Variants in FKBP5 observed in about 807,000 individuals in gnomAD.
FKBP5 encodes peptidyl-prolyl cis-trans isomerase FKBP5.
A neutral mutation model predicts 50.5 loss-of-function variants in FKBP5; 23 were observed. The ratio of observed to expected loss-of-function variants is 0.46; its 90% confidence interval spans 0.33 to 0.65. The LOEUF is 0.65. Among genes scored for constraint, FKBP5 ranks in the 30% least tolerant of loss-of-function variants. The probability of loss-of-function intolerance (pLI) is 0.02; values close to 1 mark genes in which losing one functional copy is unlikely to be tolerated. For synonymous variants in FKBP5, 176 were observed against 190.6 expected, an observed-to-expected ratio of 0.92 and a Z score of 0.63; for missense variants, 411 against 553.1, an observed-to-expected ratio of 0.74 and a Z score of 2.58.
At chr6:35,694,231 G>A (rs1766046930) in intron 2 of FKBP5, among the ~76,000 whole-genome samples, 1 of 152,122 alleles carries the variant, frequency 6.6e-6, no homozygotes, top group Non-Finnish European at 1.5e-5. Flanking sequence ...CTGCAGCCTT[G>A]ACCACCTAGG....
chr6:35,646,288 C>T (rs1429688269), intron 1 of FKBP5, among the ~76,000 whole-genome samples: 1 of 152,190 alleles, frequency 6.6e-6, no homozygotes, highest in Admixed American at 6.5e-5. Flanking sequence ...GGCTCCAACA[C>T]TTCAAGGGAT....
chr6:35,583,303 AAAG>A (rs1762499879), intron 8 of FKBP5: 3 of 985,416 alleles, frequency 3.0e-6, no homozygotes, highest in South Asian at 9.4e-5. Flanking sequence ...TAGGGAAAGA[AAAG>A]AAGAGCCAGG....
intron 1 of FKBP5, among the ~76,000 whole-genome samples, chr6:35,720,835 C>T (rs1366635899): frequency 2.0e-5 from 3 of 152,178 alleles, no homozygotes; most frequent in South Asian, 2.1e-4. Context: ...TACCCCATTC[C>T]GGGCACTGTG....
chr6:35,721,605 G>A (rs1766612356), intron 1 of FKBP5, among the ~76,000 whole-genome samples: 1 of 151,984 alleles, frequency 6.6e-6, no homozygotes, highest in South Asian at 2.1e-4. Flanking sequence ...ACAGCCATGC[G>A]CTACCACGCC....
intron 8 of FKBP5, chr6:35,581,676 CT>C (rs768314655): frequency 9.8e-5 from 97 of 985,286 alleles, no homozygotes; most frequent in Non-Finnish European, 1.1e-4. Flanking sequence ...AATGAAAGCA[CT>C]GGGGAATCGC....
At chr6:35,633,450 C>T (rs1764221249) in intron 3 of FKBP5, among the ~76,000 whole-genome samples, 2 of 146,054 alleles carry the variant, frequency 1.4e-5, no homozygotes, top group Non-Finnish European at 3.0e-5. Context: ...GGCTGAGGCA[C>T]GAGAATCACT....
At chr6:35,583,711 C>T in intron 8 of FKBP5, 1 of 941,566 alleles carries the variant, frequency 1.1e-6, no homozygotes, top group Non-Finnish European at 1.3e-6. Context: ...GACAGCCCCA[C>T]ACAATCAAGA....
intron 1 of FKBP5, among the ~76,000 whole-genome samples, chr6:35,723,981 T>G (rs146220583): frequency 1.6e-4 from 24 of 152,256 alleles, no homozygotes; most frequent in African/African-American, 4.6e-4. Flanking sequence ...CTGCTCTTGC[T>G]TCAGTTTTCC....
chr6:35,708,875 A>G (rs897105410), intron 2 of FKBP5, among the ~76,000 whole-genome samples: 4 of 152,166 alleles, frequency 2.6e-5, no homozygotes, highest in African/African-American at 9.7e-5. Context: ...AAAATGACAG[A>G]AGGATCCTAG....
At chr6:35,602,038 ATTG>A (rs1414018198) in intron 5 of FKBP5, among the ~76,000 whole-genome samples, 2 of 152,136 alleles carry the variant, frequency 1.3e-5, no homozygotes, top group Non-Finnish European at 2.9e-5. Context: ...GCTCTGACTT[ATTG>A]TTCTCTTACT....
intron 2 of FKBP5, among the ~76,000 whole-genome samples, chr6:35,707,866 G>A (rs1766349199): frequency 6.6e-6 from 1 of 152,110 alleles, no homozygotes; most frequent in African/African-American, 2.4e-5. Flanking sequence ...TCCATGTTCT[G>A]GCAAAGGATA....
At chr6:35,638,341 G>A (rs1323073580) in intron 2 of FKBP5, among the ~76,000 whole-genome samples, 2 of 151,982 alleles carry the variant, frequency 1.3e-5, no homozygotes, top group Admixed American at 6.6e-5. Context: ...CAAGTATACC[G>A]TCCACCTAAC....
At chr6:35,597,493 G>A (rs1227567778) in intron 5 of FKBP5, 89 bp from the exon 6 acceptor site, 2 of 1,400,644 alleles carry the variant, frequency 1.4e-6, no homozygotes, top group Non-Finnish European at 1.9e-6. Flanking sequence ...CGACAATGTA[G>A]CAAATACCAT....
chr6:35,619,129 A>G lies in FKBP5; in HGVS notation c.475T>C (p.Tyr159His). 1 of 1,613,784 alleles carries G rather than the reference A, an allele frequency of 6.2e-7. No homozygotes were observed. Among genetic ancestry groups the G allele is most frequent in the Non-Finnish European group, 8.5e-7 (1 of 1,179,702 alleles). ...IRRTKRKGEG[Y>H]SNPNEGATVE... ...GTTGCTCCTTCGTTTGGATTTGAAT[A>G]TCCCTCTCCTTTCCGTTTGGTTCTC... Residue 159 changes from tyrosine to histidine, a missense_variant, in exon 5 of 11, where the codon TAT (tyrosine) becomes CAT (histidine). Coordinates refer to ENST00000357266, the MANE Select transcript of FKBP5 (RefSeq NM_004117.4).
intron 2 of FKBP5, among the ~76,000 whole-genome samples, chr6:35,714,667 A>T (rs1766481348): frequency 6.6e-6 from 1 of 151,160 alleles, no homozygotes; most frequent in Non-Finnish European, 1.5e-5. Flanking sequence ...AAATACAAAA[A>T]TTAGCTGAGC....
intron 2 of FKBP5, among the ~76,000 whole-genome samples, chr6:35,714,001 G>A (rs1766463979): frequency 6.6e-6 from 1 of 151,954 alleles, no homozygotes; most frequent in Non-Finnish European, 1.5e-5. Flanking sequence ...CCACTGAGAT[G>A]TGAGGCTCTT....
At chr6:35,655,544 T>C (rs749132325) in intron 1 of FKBP5, among the ~76,000 whole-genome samples, 2 of 152,192 alleles carry the variant, frequency 1.3e-5, no homozygotes, top group African/African-American at 2.4e-5. Context: ...ACACTATACA[T>C]GTAGAGAATG....
intron 1 of FKBP5, among the ~76,000 whole-genome samples, chr6:35,682,732 G>A (rs1245841041): frequency 1.3e-5 from 2 of 151,758 alleles, no homozygotes; most frequent in Non-Finnish European, 2.9e-5. Flanking sequence ...AATTTCAAAA[G>A]GATACAATTC....
chr6:35,697,256 A>C (rs916795280), intron 2 of FKBP5, among the ~76,000 whole-genome samples: 3 of 152,316 alleles, frequency 2.0e-5, no homozygotes, highest in Admixed American at 2.0e-4. Context: ...ATAAAAAAAG[A>C]ATGAAGTAAG....
Sources: allele counts gnomAD v4.1 joint callset (sites outside exome capture counted in the v4.1 genomes callset), GRCh38; gene constraint gnomAD v4.1.1; transcripts MANE v1.5; gene names NCBI Gene and HGNC (gene_info 2026-07-23, HGNC 2026-07-21).